The following PAXIP1 variants were observed in gnomAD, a reference collection of about 807,000 sequenced individuals.
The protein encoded by PAXIP1 is PAX-interacting protein 1.
PAXIP1 carries 19 observed loss-of-function variants against 140.6 expected under a neutral mutation model. The observed-to-expected ratio is 0.14, with a 90% CI of 0.09 to 0.20. The LOEUF (loss-of-function observed/expected upper bound fraction) is 0.20, where lower values mean the gene tolerates loss of function less well. PAXIP1 is among the 10% of genes least tolerant of loss of function. The pLI, the probability that PAXIP1 is intolerant of heterozygous loss-of-function variation, is 1.00. For missense variants in PAXIP1, 920 were observed against 1,208.6 expected (o/e 0.76, Z 3.54); for synonymous variants, 442 against 444.6 (o/e 0.99, Z 0.07).
chr7:154,975,580 A>T, intron 6 of PAXIP1, 116 bp downstream of exon 6: 1 of 665,450 alleles, frequency 1.5e-6, no homozygotes, highest in Non-Finnish European at 2.6e-6. Flanking sequence ...TCACACAAAT[A>T]CTGCTTGTAA....
At chr7:154,975,523 T>TACAC (rs35537788) in intron 6 of PAXIP1, among the ~76,000 whole-genome samples, 173 bp downstream of exon 6, 29 of 150,326 alleles carry the variant, frequency 1.9e-4, no homozygotes, top group African/African-American at 4.6e-4. Context: ...TATATACACA[T>TACAC]ACACACACAC....
At chr7:154,995,607 T>G (rs796963205) in intron 2 of PAXIP1, among the ~76,000 whole-genome samples, 22 of 152,340 alleles carry the variant, frequency 1.4e-4, no homozygotes, top group African/African-American at 5.3e-4. Context: ...CTCAGCACTT[T>G]GGGAGGCCAA....
intron 4 of PAXIP1, among the ~76,000 whole-genome samples, chr7:154,983,921 C>T (rs930644646): frequency 3.9e-5 from 6 of 152,120 alleles, no homozygotes; most frequent in East Asian, 1.9e-4. Context: ...GATGAAGTAA[C>T]GACTCCAGAT....
intron 13 of PAXIP1, among the ~76,000 whole-genome samples, chr7:154,957,593 T>TTA (rs1808575202): frequency 6.6e-6 from 1 of 152,182 alleles, no homozygotes; most frequent in Non-Finnish European, 1.5e-5. Flanking sequence ...TTCCTCCATG[T>TTA]TATATATATG....
chr7:154,986,258 G>T lies in PAXIP1; in HGVS notation c.325-2926C>A. 2.9e-6 allele frequency: 3 copies of T among 1,024,574 alleles called. No homozygotes were observed. Among genetic ancestry groups the T allele is most frequent in the Non-Finnish European group, 3.9e-6 (3 of 767,030 alleles). 63.5% of individuals were successfully genotyped at this position (1,024,574 alleles called of 1,614,324 possible). ...GTAAAGCTGGGGTCCTGCCTGGCGT[G>T]TGCATGTGAGTGTGTGTGCGCATGG... On this transcript the variant is annotated intron_variant, in intron 4 of 20. Coordinates refer to ENST00000404141, the MANE Select transcript of PAXIP1 (RefSeq NM_007349.4). This position sits in a 1 kb window ranked among gnomAD's most constrained non-coding sequence, Gnocchi z 4.8.
chr7:154,977,445 G>A (rs73493730), intron 5 of PAXIP1, among the ~76,000 whole-genome samples: 5,581 of 152,232 alleles, frequency 0.037, 271 homozygotes, highest in East Asian at 0.19. Flanking sequence ...ATAGGGATGC[G>A]GGGCAGCAGC....
At chr7:154,983,637 TAGTC>T (rs370552389) in intron 4 of PAXIP1, 41 of 214,594 alleles carry the variant, frequency 1.9e-4, no homozygotes, top group Admixed American at 4.9e-4. Context: ...ATAACAAAAA[TAGTC>T]AGGGGAAAAA....
At chr7:154,944,843 T>A (rs1308671899) in intron 20 of PAXIP1, 1 of 152,146 alleles carries the variant, frequency 6.6e-6, no homozygotes, top group African/African-American at 2.4e-5. Context: ...AATTTTCTAA[T>A]AGATGGCGGT....
intron 5 of PAXIP1, 37 bp downstream of exon 5, chr7:154,983,182 T>C (rs1809920009): frequency 9.8e-7 from 1 of 1,016,738 alleles, no homozygotes; most frequent in Non-Finnish European, 1.5e-6. Context: ...AATTCTTAAA[T>C]GACATACAAA....
chr7:154,957,677 G>A (rs1004576685), intron 13 of PAXIP1, among the ~76,000 whole-genome samples: 35 of 152,296 alleles, frequency 2.3e-4, no homozygotes, highest in Non-Finnish European at 4.4e-4. Flanking sequence ...TTTAGAATGT[G>A]GAAAACATGG....
At chr7:154,957,018 A>T in intron 14 of PAXIP1, 1 of 408,002 alleles carries the variant, frequency 2.5e-6, no homozygotes, top group Admixed American at 4.4e-5. Context: ...ACTTAAAGAA[A>T]AAGACTGAAT....
At chr7:155,000,575 T>G (rs1810843830) in intron 1 of PAXIP1, 1 of 151,978 alleles carries the variant, frequency 6.6e-6, no homozygotes, top group Non-Finnish European at 1.5e-5. Context: ...TCCTGAAGAG[T>G]CTAACCTTTC....
Position 154,976,105 on chromosome 7 carries a change from C to A in PAXIP1, c.665G>T (p.Ser222Ile), listed in dbSNP as rs1809562096. The A allele has an allele frequency of 6.4e-7, 1 of 1,572,108 alleles. No individual in the cohort carries two copies. Among genetic ancestry groups the A allele is most frequent in the East Asian group, 2.3e-5 (1 of 42,902 alleles). ...ACCTGAAGGAGACCCTTCTTGAGAG[C>A]TGGCAGGGCTTGACTTCTCATCTGT... ...GSTDEKSSPA[S>I]SQEGSPSGDQ... The change falls in exon 6 of 21, where the codon AGC (serine) becomes ATC (isoleucine). Residue 222 changes from serine (S) to isoleucine (I), a missense_variant. This residue lies in a region of PAXIP1 where 419 missense variants were observed against 514.7 expected (regional missense o/e 0.81). Coordinates refer to ENST00000404141, the MANE Select transcript of PAXIP1 (RefSeq NM_007349.4).
In PAXIP1 at chr7:154,986,875, C is replaced by T. The variant is rs1810097899; in HGVS notation, c.325-3543G>A. Among the ~76,000 whole-genome samples the T allele has an allele frequency of 6.6e-6, 1 of 152,140 alleles. No individual in the cohort carries two copies. Among genetic ancestry groups the T allele is most frequent in the Admixed American group, 6.6e-5 (1 of 15,260 alleles). Reference sequence around the variant, plus strand: ...TGATTTTTCTTATCCACTGAATTTGCTAAAAGGATATAAAATACTATCAAA... The same window carrying T: ...TGATTTTTCTTATCCACTGAATTTGTTAAAAGGATATAAAATACTATCAAA... On this transcript the variant is annotated intron_variant, in intron 4 of 20. Coordinates refer to ENST00000404141, the MANE Select transcript of PAXIP1 (RefSeq NM_007349.4). The surrounding 1 kb of genome is among the most constrained non-coding windows in gnomAD (Gnocchi z 4.8).
chr7:154,963,741 A>G lies in PAXIP1; in HGVS notation c.1919T>C (p.Val640Ala). Reference sequence around the variant, plus strand: ...GCATCGACTCGTGAAGGTGGGGTCAACAGTGCCGCCATGTGCCTGGATTAT... The same window carrying G: ...GCATCGACTCGTGAAGGTGGGGTCAGCAGTGCCGCCATGTGCCTGGATTAT... ...KRIIQAHGGT[V>A]DPTFTSRCTH... The change falls in exon 9 of 21, where the codon GTT becomes GCT. Residue 640 changes from valine to alanine, a missense_variant. Physicochemically the swap from Val to Ala is moderately conservative, Grantham distance 64 (BLOSUM62 0). Transcript: ENST00000404141. This position sits in a 1 kb window ranked among gnomAD's most constrained non-coding sequence, Gnocchi z 4.1. 6.2e-7 allele frequency: 1 copy of G among 1,613,440 alleles called. No individual in the cohort carries two copies. The highest frequency in any genetic ancestry group is 8.5e-7 in the Non-Finnish European group (1 of 1,179,678).
intron 16 of PAXIP1, chr7:154,949,978 T>C (rs748489557): frequency 6.6e-6 from 1 of 152,144 alleles, no homozygotes; most frequent in Non-Finnish European, 1.5e-5. Context: ...AGATGAGACA[T>C]TGAGATTTTG....
Position 154,976,329 on chromosome 7 carries a change from C to T in PAXIP1, c.441G>A (p.Glu147=). The part of the protein sequence containing the change: ...THLIVPEPKG[E]KYECALKRAS... ...CTCGCTTTAAAGCACATTCGTATTT[C>T]TCCTACGAGGAAAGCAGAAACACAC... Residue 147 remains glutamate (E), a splice_region_variant and synonymous_variant, in exon 6 of 21, where the codon GAG becomes GAA. Transcript: ENST00000404141. 2 of 1,569,420 alleles carry T rather than the reference C, an allele frequency of 1.3e-6. No homozygotes were observed. Among genetic ancestry groups the T allele is most frequent in the Non-Finnish European group, 8.6e-7 (1 of 1,158,466 alleles).
intron 6 of PAXIP1, among the ~76,000 whole-genome samples, chr7:154,972,247 G>A (rs1230849363): frequency 6.6e-6 from 1 of 152,216 alleles, no homozygotes; most frequent in Admixed American, 6.5e-5. Context: ...AGCACTTTGG[G>A]AGGCCGAGGT....
chr7:154,967,144 T>C (rs1006772927), intron 8 of PAXIP1, among the ~76,000 whole-genome samples: 1 of 152,210 alleles, frequency 6.6e-6, no homozygotes, highest in Non-Finnish European at 1.5e-5. Flanking sequence ...CCTCTCGCAC[T>C]GCTCTTCCGT....
Sources: allele counts gnomAD v4.1 joint callset (sites outside exome capture counted in the v4.1 genomes callset), GRCh38; gene constraint gnomAD v4.1.1; regional missense constraint gnomAD v4.1.1; non-coding constraint Gnocchi (gnomAD v3.1); transcripts MANE v1.5; gene names NCBI Gene and HGNC (gene_info 2026-07-23, HGNC 2026-07-21).